MKKS: variants seen among roughly 807,000 people sequenced by gnomAD.
MKKS encodes molecular chaperone MKKS.
MKKS carries 29 observed loss-of-function variants against 33.2 expected under a neutral mutation model. The ratio of observed to expected loss-of-function variants is 0.87; its 90% CI spans 0.65 to 1.19. The LOEUF is 1.19. MKKS is among the 50% of genes most tolerant of loss of function. The probability of loss-of-function intolerance (pLI) is 0.00; values close to 1 mark genes in which losing one functional copy is unlikely to be tolerated. For missense variants in MKKS, 661 were observed against 662.3 expected (o/e 1.00, Z 0.02); for synonymous variants, 260 against 244.0 (o/e 1.07, Z -0.61).
chr20:10,427,080 A>ACACACACACACACACACACACACAC (rs71184198), intron 1 of MKKS, among the ~76,000 whole-genome samples: 1 of 147,510 alleles, frequency 6.8e-6, no homozygotes, highest in Non-Finnish European at 1.5e-5. Context: ...ACACACACAC[A>ACACACACACACACACACACACACAC]AAGTAAGGTT....
In MKKS at chr20:10,408,874, T is replaced by C. The variant is rs2064861462; in HGVS notation, c.986-71A>G. ...GAGCAAACAACCATTTAAAAGTATA[T>C]TTATTCCTAGCCAACATAAAAGCCC... On this transcript the variant is annotated intron_variant, in intron 3 of 5. Coordinates refer to ENST00000347364, the MANE Select transcript of MKKS (RefSeq NM_170784.3). 4 of 1,216,652 alleles carry C rather than the reference T, an allele frequency of 3.3e-6. No individual in the cohort carries two copies. In the South Asian group the frequency reaches 5.2e-5, roughly 16 times the overall value. 75.4% of individuals were successfully genotyped at this position (1,216,652 alleles called of 1,614,324 possible). A position where few individuals can be genotyped will look rare whatever the true frequency, so the allele number is the denominator to read the frequency against.
intron 1 of MKKS, chr20:10,431,609 C>T (rs1173799552): frequency 1.3e-5 from 2 of 152,162 alleles, no homozygotes; most frequent in Non-Finnish European, 2.9e-5. Flanking sequence ...ACCAAGTTGA[C>T]TCATTTTTCA....
chr20:10,424,272 A>G (rs1172678755), intron 1 of MKKS, among the ~76,000 whole-genome samples: 1 of 151,984 alleles, frequency 6.6e-6, no homozygotes, highest in Admixed American at 6.6e-5. Flanking sequence ...AGGAAAAAAA[A>G]AGGCCAGGCA....
rs1192222992 is a variant in MKKS at position 10,420,553 on chromosome 20, C to T, written c.-443G>A. 6.6e-6 allele frequency: 1 copy of T among 152,164 alleles called. No homozygotes were observed. 9.4% of individuals were successfully genotyped at this position (152,164 alleles called of 1,614,324 possible). ...CTGAAGATTGCAAGCCTGCTACTTCCCCTGGATTTGGCTCTTCTGAAGATT... is the reference window on the plus strand; with the variant it reads ...CTGAAGATTGCAAGCCTGCTACTTCTCCTGGATTTGGCTCTTCTGAAGATT... On this transcript the variant is annotated 5_prime_UTR_variant, in exon 2 of 6. Coordinates refer to ENST00000347364, the MANE Select transcript of MKKS (RefSeq NM_170784.3).
rs1317983522 is a variant in MKKS, at chr20:10,404,766, G to A, written c.*481C>T. On this transcript the variant is annotated 3_prime_UTR_variant, in exon 6 of 6. Transcript: ENST00000347364. ...CTTGAGATAAAGGGCATGGAGAAAA[G>A]TGAAATTTTACTAAATGTGCAGTTT... The A allele has an allele frequency of 1.3e-5, 2 of 152,620 alleles. No homozygotes were observed. The highest frequency in any genetic ancestry group is 2.9e-5 in the Non-Finnish European group (2 of 68,410). 9.5% of individuals were successfully genotyped at this position (152,620 alleles called of 1,614,324 possible).
intron 1 of MKKS, among the ~76,000 whole-genome samples, chr20:10,429,672 A>G (rs6108571): frequency 0.48 from 72,863 of 151,958 alleles, 18,331 homozygotes; most frequent in Non-Finnish European, 0.56. Context: ...CATGCTCCTC[A>G]TCAACTCACT....
At chr20:10,410,784 T>C (rs1170063655) in intron 3 of MKKS, among the ~76,000 whole-genome samples, 2 of 152,138 alleles carry the variant, frequency 1.3e-5, no homozygotes, top group Non-Finnish European at 2.9e-5. Flanking sequence ...GGGAGATAGG[T>C]AAGGCCAAAA....
intron 5 of MKKS, among the ~76,000 whole-genome samples, chr20:10,406,643 C>T (rs1312814588): frequency 6.6e-6 from 1 of 152,140 alleles, no homozygotes; most frequent in African/African-American, 2.4e-5. Flanking sequence ...TCTGTATTAG[C>T]AAACTAATAA....
Position 10,403,591 on chromosome 20 carries a change from AG to A in MKKS, c.*1655del. The A allele has an allele frequency of 6.6e-6, 1 of 152,324 alleles. No individual in the cohort carries two copies. The highest frequency in any genetic ancestry group is 3.4e-3 in the Middle Eastern group (1 of 294). The allele number at this position is 152,324 out of a possible 1,614,324, so 9.4% of individuals were successfully genotyped here. ...CTGTAGACCCATGAAACTAGAGAAA[AG>A]TTATCTGCCTTCTACTCACAGCATA... is the stretch of plus-strand genomic sequence containing the variant. On this transcript the variant is annotated 3_prime_UTR_variant, in exon 6 of 6. Transcript: ENST00000347364.
intron 5 of MKKS, among the ~76,000 whole-genome samples, chr20:10,405,968 G>C (rs1407674330): frequency 2.0e-5 from 3 of 152,130 alleles, no homozygotes; most frequent in African/African-American, 7.2e-5. Flanking sequence ...AGCTTATTCT[G>C]AATGAGGCTT....
chr20:10,411,680 T>G (rs757764297), intron 3 of MKKS, among the ~76,000 whole-genome samples: 13 of 152,222 alleles, frequency 8.5e-5, no homozygotes, highest in Non-Finnish European at 1.6e-4. Context: ...ACTAAGACTT[T>G]TATTAAATAA....
At chr20:10,408,130 T>TA (rs1182006760) in intron 4 of MKKS, among the ~76,000 whole-genome samples, 1 of 152,154 alleles carries the variant, frequency 6.6e-6, no homozygotes, top group Non-Finnish European at 1.5e-5. Flanking sequence ...CAATAATAAA[T>TA]AAAAAATCAC....
At chr20:10,408,449 C>G (rs2064858113) in intron 4 of MKKS, among the ~76,000 whole-genome samples, 179 bp downstream of exon 4, 1 of 152,120 alleles carries the variant, frequency 6.6e-6, no homozygotes, top group Non-Finnish European at 1.5e-5. Context: ...GCAACACATG[C>G]CAAATTTATT....
At chr20:10,432,709 T>A (rs909363663) in intron 1 of MKKS, among the ~76,000 whole-genome samples, 1 of 148,074 alleles carries the variant, frequency 6.8e-6, no homozygotes, top group Non-Finnish European at 1.5e-5. Context: ...GCAGGGAGAA[T>A]TGCTTGAACC....
rs531515238 is a variant in MKKS at position 10,401,820 on chromosome 20, A to G, written c.*3427T>C. 12 of 152,220 alleles carry G rather than the reference A, an allele frequency of 7.9e-5. No individual in the cohort carries two copies. The highest frequency in any genetic ancestry group is 2.2e-4 in the African/African-American group (9 of 41,462). 9.4% of individuals were successfully genotyped at this position (152,220 alleles called of 1,614,324 possible). ...AAGATATTAATGTGATATAGTTTAA[A>G]TATCTTGTGTAAAATACTTCACTTA... On this transcript the variant is annotated 3_prime_UTR_variant, in exon 6 of 6. Transcript: ENST00000347364.
intron 1 of MKKS, among the ~76,000 whole-genome samples, chr20:10,428,813 C>A (rs2065034014): frequency 6.6e-6 from 1 of 151,342 alleles, no homozygotes; most frequent in African/African-American, 2.4e-5. Context: ...CATTGCACTC[C>A]AGCCTAGGTG....
At chr20:10,410,992 TGG>T (rs1491287462) in intron 3 of MKKS, among the ~76,000 whole-genome samples, 6 of 150,236 alleles carry the variant, frequency 4.0e-5, no homozygotes, top group South Asian at 4.3e-4. Flanking sequence ...GGAAAATGTT[TGG>T]TTTTTTTTTT....
intron 3 of MKKS, 25 bp from the exon 4 acceptor site, chr20:10,408,828 C>G: frequency 1.3e-6 from 2 of 1,581,222 alleles, no homozygotes; most frequent in Non-Finnish European, 1.7e-6. Flanking sequence ...TTAGAAAATA[C>G]AAGTTGTATA....
chr20:10,423,446 A>G (rs2064994925), intron 1 of MKKS, among the ~76,000 whole-genome samples: 1 of 152,174 alleles, frequency 6.6e-6, no homozygotes, highest in Non-Finnish European at 1.5e-5. Flanking sequence ...AGCAAAAAAG[A>G]GACTGGATAG....
Sources: gnomAD v4.1 joint callset for allele counts (sites outside exome capture counted in the v4.1 genomes callset) on GRCh38, gnomAD v4.1.1 for gene constraint, MANE v1.5 for transcripts, NCBI Gene and HGNC (gene_info 2026-07-23, HGNC 2026-07-21) for gene names.